The following CCDC171 variants were observed in gnomAD, a reference collection of about 807,000 sequenced individuals.
CCDC171 encodes the protein coiled-coil domain-containing protein 171.
CCDC171 carries 177 observed loss-of-function variants against 168.2 expected under a neutral mutation model. That is an observed-to-expected ratio of 1.05 (90% confidence interval 0.93 to 1.19). CCDC171 has a LOEUF of 1.19. CCDC171 is among the 50% of genes most tolerant of loss of function. CCDC171 has a pLI of 0.00. For synonymous variants in CCDC171, 687 were observed against 540.8 expected (o/e 1.27, Z -3.75); for missense variants, 1,991 against 1,539.0 (o/e 1.29, Z -4.91).
the CCDC171 span, among the ~76,000 whole-genome samples, chr9:16,079,847 C>T: frequency 3.3e-5 from 5 of 152,206 alleles, no homozygotes; most frequent in African/African-American, 1.2e-4. Context: ...GTCCTAGGCA[C>T]TTATATTAAC....
Position 15,972,068 on chromosome 9 carries a change from A to G in CCDC171, c.*232A>G. The stretch of plus-strand genomic sequence containing the variant: ...ACAGTTGCTCATTTTTATGTAACAT[A>G]TTTTTAAATGTTAAGGAATGACACA... On this transcript the variant is annotated 3_prime_UTR_variant, in exon 26 of 26. Coordinates refer to ENST00000380701, the MANE Select transcript of CCDC171 (RefSeq NM_173550.4). 4 of 497,820 alleles carry G rather than the reference A, an allele frequency of 8.0e-6. No individual in the cohort carries two copies. The Middle Eastern group carries it at 1.6e-3, about 198-fold the overall frequency. The allele number at this position is 497,820 out of a possible 1,614,324, so 30.8% of individuals were successfully genotyped here.
chr9:16,063,141 GA>G (rs1833954574), downstream of CCDC171, among the ~76,000 whole-genome samples: 1 of 152,180 alleles, frequency 6.6e-6, no homozygotes, highest in Admixed American at 6.5e-5. Context: ...GTGGTTTGCG[GA>G]AAGGGGACCA....
rs1588422304 is a variant in CCDC171, at chr9:15,774,316, C to G, written c.2672-3284C>G. ...AGGCTAAGGACGTGAATAGACAATT[C>G]TCAAAAGATATGCAAGTAGCCAATA... On this transcript the variant is annotated intron_variant, in intron 18 of 25. Coordinates refer to ENST00000380701, the MANE Select transcript of CCDC171 (RefSeq NM_173550.4). 2.3e-5 allele frequency among the ~76,000 whole-genome samples: 3 copies of G among 131,440 alleles called. No individual in the cohort carries two copies. In the South Asian group the frequency reaches 8.3e-4, roughly 36 times the overall value. 86.2% of individuals were successfully genotyped at this position (131,440 alleles called of 152,430 possible).
chr9:15,625,799 G>T (rs1231922867), intron 7 of CCDC171, among the ~76,000 whole-genome samples: 4 of 152,184 alleles, frequency 2.6e-5, no homozygotes, highest in African/African-American at 9.6e-5. Flanking sequence ...TGGCAATGCG[G>T]GCTCTTTTTT....
intron 24 of CCDC171, among the ~76,000 whole-genome samples, chr9:15,884,814 G>T (rs1350636069): frequency 1.3e-5 from 2 of 152,146 alleles, no homozygotes; most frequent in African/African-American, 4.8e-5. Flanking sequence ...ATTAAAAAAT[G>T]CTATATTAGT....
chr9:15,632,052 A>C (rs1467168709), intron 7 of CCDC171, among the ~76,000 whole-genome samples: 8 of 152,178 alleles, frequency 5.3e-5, no homozygotes, highest in East Asian at 3.9e-4. Flanking sequence ...TGACAAACCC[A>C]CAGCCAATAT....
chr9:15,901,747 G>A (rs1465559689), intron 24 of CCDC171, among the ~76,000 whole-genome samples: 3 of 152,264 alleles, frequency 2.0e-5, no homozygotes, highest in East Asian at 1.9e-4. Context: ...GTACGTTCAA[G>A]GAAGAGTGGA....
chr9:15,594,531 T>G (rs1297594297), intron 6 of CCDC171, among the ~76,000 whole-genome samples: 3 of 152,178 alleles, frequency 2.0e-5, no homozygotes, highest in African/African-American at 7.2e-5. Flanking sequence ...AATCATATAG[T>G]GTAGTAATTT....
chr9:15,861,163 A>T (rs982486572), intron 23 of CCDC171, among the ~76,000 whole-genome samples: 1 of 151,098 alleles, frequency 6.6e-6, no homozygotes, highest in African/African-American at 2.4e-5. Context: ...CTTTCAGTCT[A>T]TGCACATCCT....
chr9:15,553,870 A>G (rs1181665725), intron 1 of CCDC171, among the ~76,000 whole-genome samples: 2 of 152,206 alleles, frequency 1.3e-5, no homozygotes, highest in African/African-American at 4.8e-5. Context: ...TGATCCTAAG[A>G]AAATACATAT....
intron 3 of CCDC171, among the ~76,000 whole-genome samples, chr9:16,008,496 GTT>G: frequency 6.6e-6 from 1 of 152,126 alleles, no homozygotes; most frequent in African/African-American, 2.4e-5. Flanking sequence ...GTCCAGAAAT[GTT>G]TTTTTCCAAC....
intron 8 of CCDC171, among the ~76,000 whole-genome samples, chr9:15,659,493 G>C (rs1164514259): frequency 6.6e-6 from 1 of 152,126 alleles, no homozygotes; most frequent in Non-Finnish European, 1.5e-5. Context: ...TTAAATCTAG[G>C]AAGGTAGAAA....
intron 21 of CCDC171, among the ~76,000 whole-genome samples, chr9:15,841,657 A>G (rs1384474713): frequency 6.6e-6 from 1 of 151,980 alleles, no homozygotes; most frequent in Admixed American, 6.6e-5. Context: ...AGATACCAAG[A>G]TCGAAATTTA....
chr9:15,966,102 A>G (rs972052317), intron 25 of CCDC171, among the ~76,000 whole-genome samples: 15 of 152,218 alleles, frequency 9.9e-5, no homozygotes, highest in African/African-American at 3.4e-4. Flanking sequence ...TCATAGTTTT[A>G]TAGCGGAAAT....
In CCDC171 at chr9:15,649,973, A is replaced by C. The variant is rs1221949825; in HGVS notation, c.823-7154A>C. On this transcript the variant is annotated intron_variant, in intron 7 of 25. Transcript: ENST00000380701. ...ACGTATGTTTATTGCGGCACTATTC[A>C]CAATAGCAAAGACTTGGAACCAACC... Among the ~76,000 whole-genome samples the C allele has an allele frequency of 2.6e-5, 4 of 152,150 alleles. No homozygotes were observed. The South Asian group carries it at 8.3e-4, about 32-fold the overall frequency.
chr9:16,086,586 AT>A, the CCDC171 span, among the ~76,000 whole-genome samples: 1 of 151,876 alleles, frequency 6.6e-6, no homozygotes, highest in African/African-American at 2.4e-5. Flanking sequence ...TATTGTGTCT[AT>A]TTGATTCTTC....
At chr9:15,991,998 G>A (rs1832216291) in intron 3 of CCDC171, among the ~76,000 whole-genome samples, 1 of 152,196 alleles carries the variant, frequency 6.6e-6, no homozygotes, top group African/African-American at 2.4e-5. Context: ...TCTACCAGAG[G>A]TACAAGGAGG....
In CCDC171 at chr9:15,733,250, A is replaced by T. The variant is rs191233386; in HGVS notation, c.2049+3452A>T. Among the ~76,000 whole-genome samples, 3 of 152,190 alleles carry T rather than the reference A, an allele frequency of 2.0e-5. No homozygotes were observed. In the East Asian group the frequency reaches 5.8e-4, roughly 29 times the overall value. ...GATACATGATTTGTAAATGTTTTCT[A>T]CTGTTCTCTTAGCAGTACTTTTGCA... is the stretch of plus-strand genomic sequence containing the variant. On this transcript the variant is annotated intron_variant, in intron 16 of 25. Coordinates refer to ENST00000380701, the MANE Select transcript of CCDC171 (RefSeq NM_173550.4).
intron 6 of CCDC171, among the ~76,000 whole-genome samples, chr9:15,610,520 C>T (rs1486337558): frequency 5.9e-5 from 8 of 135,308 alleles, no homozygotes; most frequent in South Asian, 2.5e-4. Context: ...CCAGCTACTT[C>T]GGGAGGCTGA....
Sources: gnomAD v4.1 joint callset for allele counts (sites outside exome capture counted in the v4.1 genomes callset) on GRCh38, gnomAD v4.1.1 for gene constraint, MANE v1.5 for transcripts, NCBI Gene and HGNC (gene_info 2026-07-23, HGNC 2026-07-21) for gene names.